Variants in TENM2 observed in about 807,000 individuals in gnomAD.
The protein encoded by TENM2 is teneurin transmembrane protein 2, also known as teneurin-2.
A neutral mutation model predicts 245.2 loss-of-function variants in TENM2; 52 were observed. The observed-to-expected ratio is 0.21, with a 90% CI of 0.17 to 0.27. The LOEUF (loss-of-function observed/expected upper bound fraction) is 0.27, where lower values mean the gene tolerates loss of function less well. TENM2 is among the 10% of genes least tolerant of loss of function. TENM2 has a pLI of 1.00. For missense variants in TENM2, 3,046 were observed against 3,666.8 expected, an observed-to-expected ratio of 0.83 and a Z score of 4.37; for synonymous variants, 1,363 against 1,438.9, an observed-to-expected ratio of 0.95 and a Z score of 1.19.
chr5:167,641,605 A>C (rs1042806686), intron 2 of TENM2, among the ~76,000 whole-genome samples: 3 of 152,178 alleles, frequency 2.0e-5, no homozygotes, highest in African/African-American at 7.2e-5. Context: ...AAATCTTACA[A>C]AGACAGTAAA....
chr5:166,998,914 G>A, the TENM2 span, among the ~76,000 whole-genome samples: 1 of 151,986 alleles, frequency 6.6e-6, no homozygotes, highest in South Asian at 2.1e-4. Context: ...TTAGGATGGA[G>A]GGGGTGAGGT....
intron 5 of TENM2, among the ~76,000 whole-genome samples, chr5:168,021,909 A>G (rs1302672921): frequency 6.6e-6 from 1 of 152,124 alleles, no homozygotes; most frequent in African/African-American, 2.4e-5. Flanking sequence ...ACCCCCTCCT[A>G]AGTGGTAACA....
intron 2 of TENM2, among the ~76,000 whole-genome samples, chr5:167,675,766 C>T (rs540291979): frequency 8.6e-5 from 13 of 152,016 alleles, no homozygotes; most frequent in African/African-American, 3.1e-4. Flanking sequence ...ATCTGGTACA[C>T]GTCCAGAATG....
chr5:167,524,773 A>G (rs1239980218), intron 2 of TENM2, among the ~76,000 whole-genome samples: 2 of 151,814 alleles, frequency 1.3e-5, no homozygotes, highest in Non-Finnish European at 2.9e-5. Context: ...GCTATTTTCG[A>G]AACAGTTCCC....
At chr5:167,232,366 C>T in the TENM2 span, among the ~76,000 whole-genome samples, 2 of 146,672 alleles carry the variant, frequency 1.4e-5, no homozygotes, top group African/African-American at 5.2e-5. Flanking sequence ...CATTAAACCT[C>T]TTTTCTTTCT....
At chr5:167,800,739 A>G (rs1765647958) in intron 2 of TENM2, among the ~76,000 whole-genome samples, 1 of 152,156 alleles carries the variant, frequency 6.6e-6, no homozygotes, top group African/African-American at 2.4e-5. Context: ...CCACAAGGCC[A>G]TGCTGACTGT....
intron 2 of TENM2, among the ~76,000 whole-genome samples, chr5:167,809,597 A>C: frequency 6.6e-6 from 1 of 152,270 alleles, no homozygotes; most frequent in South Asian, 2.1e-4. Context: ...TCTCTATTCT[A>C]TATATACTTA....
intron 2 of TENM2, among the ~76,000 whole-genome samples, chr5:167,818,987 T>A (rs1337619345): frequency 6.6e-6 from 1 of 152,098 alleles, no homozygotes; most frequent in Non-Finnish European, 1.5e-5. Flanking sequence ...CACAGGGCAA[T>A]CTGTATCCTT....
chr5:167,972,931 G>A (rs1463612363), intron 4 of TENM2, among the ~76,000 whole-genome samples: 1 of 152,110 alleles, frequency 6.6e-6, no homozygotes, highest in Admixed American at 6.5e-5. Context: ...TAGCTGTAGG[G>A]CCCTTTCTCT....
At chr5:167,005,611 A>G in the TENM2 span, among the ~76,000 whole-genome samples, 2 of 148,444 alleles carry the variant, frequency 1.3e-5, no homozygotes, top group South Asian at 4.3e-4. Context: ...TAGTAGATGT[A>G]CTTGCCGAGA....
the TENM2 span, among the ~76,000 whole-genome samples, chr5:167,013,463 G>A: frequency 1.3e-5 from 2 of 152,098 alleles, no homozygotes; most frequent in South Asian, 4.1e-4. Context: ...ATGAACAGAA[G>A]CCATTTTTTT....
intron 2 of TENM2, among the ~76,000 whole-genome samples, chr5:167,582,155 G>A (rs1775139565): frequency 6.6e-6 from 1 of 152,084 alleles, no homozygotes; most frequent in Non-Finnish European, 1.5e-5. Context: ...GTTGATGCAG[G>A]CCACAGACCA....
intron 10 of TENM2, among the ~76,000 whole-genome samples, chr5:168,118,807 C>T (rs1795272078): frequency 6.6e-6 from 1 of 152,050 alleles, no homozygotes; most frequent in South Asian, 2.1e-4. Flanking sequence ...TTCTACTCCT[C>T]CTCCCCTTCC....
At chr5:167,038,400 G>A in the TENM2 span, among the ~76,000 whole-genome samples, 32 of 152,194 alleles carry the variant, frequency 2.1e-4, 1 homozygote, top group African/African-American at 6.5e-4. Context: ...ACTGAGATAC[G>A]GAGGACCACG....
chr5:167,168,835 C>T, the TENM2 span, among the ~76,000 whole-genome samples: 1 of 152,336 alleles, frequency 6.6e-6, no homozygotes, highest in African/African-American at 2.4e-5. Context: ...TCTTGGCTCA[C>T]TGCAACCTCT....
chr5:167,341,087 T>C (rs1758073438), intron 1 of TENM2, among the ~76,000 whole-genome samples: 1 of 152,142 alleles, frequency 6.6e-6, no homozygotes, highest in Non-Finnish European at 1.5e-5. Flanking sequence ...CTGAAGATGG[T>C]TTCAGTGTTC....
intron 2 of TENM2, among the ~76,000 whole-genome samples, chr5:167,733,640 A>T (rs965417643): frequency 2.6e-5 from 4 of 152,168 alleles, no homozygotes; most frequent in African/African-American, 4.8e-5. Flanking sequence ...TAAGCTGATG[A>T]TCTGATTTAC....
At chr5:167,132,455 T>C in the TENM2 span, among the ~76,000 whole-genome samples, 4 of 152,104 alleles carry the variant, frequency 2.6e-5, no homozygotes, top group African/African-American at 9.7e-5. Flanking sequence ...TGGTTGAGCA[T>C]TTTTTCCTTT....
At chr5:167,993,033 C>T (rs758030957) in exon 5 of TENM2, 55 of 1,613,934 alleles carry the variant, frequency 3.4e-5, no homozygotes, top group East Asian at 6.7e-5. Flanking sequence ...ACGGTTTACA[C>T]GCCCCCGCCC....
Sources: allele counts gnomAD v4.1 joint callset (sites outside exome capture counted in the v4.1 genomes callset), GRCh38; gene constraint gnomAD v4.1.1; transcripts MANE v1.5; gene names NCBI Gene and HGNC (gene_info 2026-07-23, HGNC 2026-07-21).